The following MACROD2 variants were observed in gnomAD, a reference collection of about 807,000 sequenced individuals.
MACROD2 encodes the protein mono-ADP ribosylhydrolase 2.
MACROD2 carries 36 observed loss-of-function variants against 70.4 expected under a neutral mutation model. That is an observed-to-expected ratio of 0.51 (90% CI 0.39 to 0.68). The LOEUF (loss-of-function observed/expected upper bound fraction) is 0.68. Ranked by LOEUF, MACROD2 falls within the 30% of genes least tolerant of loss-of-function variation. The pLI, the probability that MACROD2 is intolerant of heterozygous loss-of-function variation, is 0.00. For missense variants in MACROD2, 496 were observed against 538.4 expected (o/e 0.92, Z 0.78); for synonymous variants, 172 against 178.8 (o/e 0.96, Z 0.30).
At chr20:14,484,681 A>G (rs1038444490) in intron 3 of MACROD2, among the ~76,000 whole-genome samples, 1 of 152,234 alleles carries the variant, frequency 6.6e-6, no homozygotes, top group Non-Finnish European at 1.5e-5. Context: ...AATAAGTGAG[A>G]ACATGCAAAA....
At chr20:14,230,483 A>T (rs2081792523) in intron 3 of MACROD2, among the ~76,000 whole-genome samples, 1 of 151,242 alleles carries the variant, frequency 6.6e-6, no homozygotes, top group African/African-American at 2.4e-5. Context: ...GACTGCAGCA[A>T]TTTAGTTATG....
chr20:15,229,125 GAGGACAGTC>G (rs2145980614), intron 5 of MACROD2, among the ~76,000 whole-genome samples: 1 of 152,270 alleles, frequency 6.6e-6, no homozygotes, highest in East Asian at 1.9e-4. Context: ...TTCTTAAAAT[GAGGACAGTC>G]CCCTTTCACT....
At chr20:14,565,374 G>A (rs1370630562) in intron 4 of MACROD2, among the ~76,000 whole-genome samples, 3 of 151,376 alleles carry the variant, frequency 2.0e-5, no homozygotes, top group South Asian at 2.1e-4. Context: ...TTTTTAAAAC[G>A]TAACACTTTC....
chr20:15,882,300 A>G (rs2147203106), intron 9 of MACROD2, among the ~76,000 whole-genome samples: 1 of 152,234 alleles, frequency 6.6e-6, no homozygotes, highest in Middle Eastern at 3.4e-3. Flanking sequence ...AGATGGGGAA[A>G]GTAGACAATT....
chr20:14,073,918 C>T (rs1418835979), intron 2 of MACROD2, among the ~76,000 whole-genome samples: 3 of 152,122 alleles, frequency 2.0e-5, no homozygotes, highest in African/African-American at 7.2e-5. Context: ...CTGGACAAGC[C>T]CTTTTCTTGT....
At position 14,379,017 on chromosome 20, in the gene MACROD2, G is replaced by C. The variant is rs143148191; in HGVS notation, c.272-114462G>C. Among the ~76,000 whole-genome samples the C allele has an allele frequency of 2.3e-3, 349 of 152,192 alleles. 1 individual carries two copies. The highest frequency in any genetic ancestry group is 8.0e-3 in the African/African-American group (331 of 41,526). On this transcript the variant is annotated intron_variant, in intron 3 of 17. Transcript: ENST00000684519. ...CCTAGAATCTCAGATGCTTTTCTCC[G>C]AGCACTTTCCCCAATAATAATAATG...
chr20:14,604,681 A>G (rs1982692886), intron 4 of MACROD2, among the ~76,000 whole-genome samples: 1 of 152,186 alleles, frequency 6.6e-6, no homozygotes, highest in Non-Finnish European at 1.5e-5. Context: ...GGGATTTGGA[A>G]GAGGTCATCT....
intron 5 of MACROD2, among the ~76,000 whole-genome samples, chr20:15,122,101 T>C (rs936839273): frequency 6.6e-6 from 1 of 152,222 alleles, no homozygotes; most frequent in Admixed American, 6.5e-5. Context: ...ATTTTCTTCA[T>C]GCTAAAACAA....
At chr20:15,005,902 C>T (rs1019920536) in intron 5 of MACROD2, among the ~76,000 whole-genome samples, 2 of 151,784 alleles carry the variant, frequency 1.3e-5, no homozygotes, top group Non-Finnish European at 1.5e-5. Flanking sequence ...TTGAAAGAGC[C>T]GATTTTGCCT....
intron 4 of MACROD2, among the ~76,000 whole-genome samples, chr20:14,518,205 T>G (rs1600331001): frequency 6.6e-6 from 1 of 151,912 alleles, no homozygotes; most frequent in East Asian, 1.9e-4. Flanking sequence ...CTTTTTAAAA[T>G]ATCCACTATT....
intron 5 of MACROD2, among the ~76,000 whole-genome samples, chr20:14,903,038 C>CTT (rs1600796465): frequency 1.6e-5 from 2 of 121,458 alleles, no homozygotes; most frequent in African/African-American, 6.6e-5. Flanking sequence ...TTTTTCTTTC[C>CTT]CTTTTTTTTT....
intron 5 of MACROD2, among the ~76,000 whole-genome samples, chr20:15,113,970 G>C (rs1440299384): frequency 6.6e-6 from 1 of 152,072 alleles, no homozygotes; most frequent in Non-Finnish European, 1.5e-5. Context: ...GCATAAGAAG[G>C]CCACAGCTAT....
At chr20:14,835,103 A>AT (rs1464326070) in intron 5 of MACROD2, among the ~76,000 whole-genome samples, 1 of 152,098 alleles carries the variant, frequency 6.6e-6, no homozygotes, top group East Asian at 1.9e-4. Context: ...TGATGTGTGC[A>AT]TGTAAAGTCC....
In MACROD2 at chr20:14,818,922, T is replaced by A. The variant is rs550118096; in HGVS notation, c.418+133963T>A. Among the ~76,000 whole-genome samples the A allele has an allele frequency of 2.7e-5, 4 of 149,606 alleles. No homozygotes were observed. The East Asian group carries it at 8.0e-4, about 30-fold the overall frequency. On this transcript the variant is annotated intron_variant, in intron 5 of 17. Coordinates refer to ENST00000684519, the MANE Select transcript of MACROD2 (RefSeq NM_001351661.2). ...GGTTACTGTCTTATTGAATGCCTATTATTATATTAACAAAACCGAAGTTCA... is the reference window on the plus strand; with the variant it reads ...GGTTACTGTCTTATTGAATGCCTATAATTATATTAACAAAACCGAAGTTCA...
chr20:15,982,590 G>A (rs1342684477), intron 13 of MACROD2, among the ~76,000 whole-genome samples: 3 of 152,102 alleles, frequency 2.0e-5, no homozygotes, highest in Non-Finnish European at 4.4e-5. Flanking sequence ...TTTAAGGGTG[G>A]TCTTGGAGGT....
chr20:15,667,710 C>T (rs960889173), intron 8 of MACROD2, among the ~76,000 whole-genome samples: 25 of 152,150 alleles, frequency 1.6e-4, no homozygotes, highest in Admixed American at 2.0e-4. Context: ...CCACCTGTTA[C>T]GGCTCTTTAC....
intron 5 of MACROD2, among the ~76,000 whole-genome samples, chr20:14,865,393 C>CG (rs1158462564): frequency 2.0e-5 from 3 of 149,464 alleles, no homozygotes; most frequent in Admixed American, 1.3e-4. Flanking sequence ...ACTTATTTGG[C>CG]TTTTTTTTTT....
chr20:15,714,759 A>G (rs1000290587), intron 8 of MACROD2, among the ~76,000 whole-genome samples: 2 of 152,210 alleles, frequency 1.3e-5, no homozygotes, highest in African/African-American at 4.8e-5. Context: ...TATGTGCCAC[A>G]TACTTTACTA....
chr20:14,844,448 T>C (rs1446561318), intron 5 of MACROD2, among the ~76,000 whole-genome samples: 1 of 151,840 alleles, frequency 6.6e-6, no homozygotes, highest in Admixed American at 6.6e-5. Flanking sequence ...ACCCAGGAGA[T>C]GGATGTTGCG....
Sources: allele counts gnomAD v4.1 joint callset (sites outside exome capture counted in the v4.1 genomes callset), GRCh38; gene constraint gnomAD v4.1.1; transcripts MANE v1.5; gene names NCBI Gene and HGNC (gene_info 2026-07-23, HGNC 2026-07-21).